The following GALNT13 variants were observed in gnomAD, a reference collection of about 807,000 sequenced individuals.
The protein encoded by GALNT13 is polypeptide N-acetylgalactosaminyltransferase 13, also known as UDP-GalNAc:polypeptide N-acetylgalactosaminyltransferase 13.
GALNT13 carries 28 observed loss-of-function variants against 64.2 expected under a neutral mutation model. The ratio of observed to expected loss-of-function variants is 0.44; its 90% CI spans 0.32 to 0.60. The LOEUF (loss-of-function observed/expected upper bound fraction) is 0.60, where lower values mean the gene tolerates loss of function less well. Ranked by LOEUF, GALNT13 falls within the 20% of genes least tolerant of loss-of-function variation. The pLI is 0.05. For missense variants in GALNT13, 577 were observed against 669.8 expected (o/e 0.86, Z 1.53); for synonymous variants, 214 against 224.6 (o/e 0.95, Z 0.42).
chr2:154,413,660 A>G (rs1699887319), intron 11 of GALNT13, among the ~76,000 whole-genome samples: 1 of 151,932 alleles, frequency 6.6e-6, no homozygotes. Context: ...TTCCTATCCT[A>G]GCAGTTCACT....
intron 3 of GALNT13, among the ~76,000 whole-genome samples, chr2:153,999,527 A>G (rs1347240316): frequency 2.0e-5 from 3 of 151,782 alleles, no homozygotes; most frequent in Non-Finnish European, 4.4e-5. Context: ...TTATGAGGGG[A>G]TGTTGAATTT....
At chr2:153,379,506 C>A in the GALNT13 span, among the ~76,000 whole-genome samples, 1 of 152,142 alleles carries the variant, frequency 6.6e-6, no homozygotes, top group African/African-American at 2.4e-5. Flanking sequence ...AGCAATCAGA[C>A]TTCTTTGTCT....
intron 3 of GALNT13, among the ~76,000 whole-genome samples, chr2:154,082,385 T>C (rs1230749484): frequency 6.6e-6 from 1 of 151,678 alleles, no homozygotes; most frequent in Non-Finnish European, 1.5e-5. Flanking sequence ...AAAATTAATT[T>C]GATTATTGAT....
At chr2:153,642,824 G>T in the GALNT13 span, among the ~76,000 whole-genome samples, 1 of 151,670 alleles carries the variant, frequency 6.6e-6, no homozygotes, top group African/African-American at 2.4e-5. Flanking sequence ...AGGTAATAAA[G>T]CAATTTCTGA....
At chr2:153,454,451 C>T in the GALNT13 span, among the ~76,000 whole-genome samples, 2 of 152,142 alleles carry the variant, frequency 1.3e-5, no homozygotes, top group Non-Finnish European at 2.9e-5. Flanking sequence ...GCAGTTGTAT[C>T]TAATTACTTA....
At chr2:154,332,172 TA>T (rs1186593359) in intron 9 of GALNT13, among the ~76,000 whole-genome samples, 8 of 151,988 alleles carry the variant, frequency 5.3e-5, no homozygotes, top group Admixed American at 5.3e-4. Context: ...CTCAAAAAAG[TA>T]AAAAGGAAAA....
In GALNT13 at chr2:154,287,229, A is replaced by C. The variant is rs1267992499; in HGVS notation, c.976-14180A>C. The C allele has an allele frequency of 2.6e-6, 3 of 1,150,258 alleles. No individual in the cohort carries two copies. In the Admixed American group the frequency reaches 5.1e-5, roughly 19 times the overall value. 71.3% of individuals were successfully genotyped at this position (1,150,258 alleles called of 1,614,324 possible). On this transcript the variant is annotated intron_variant, in intron 8 of 12. Coordinates refer to ENST00000392825, the MANE Select transcript of GALNT13 (RefSeq NM_052917.4). ...GTGGTGGAAAAGGCTGAGCATCAGA[A>C]GAAGGCAGCCATCATCTTTGCCGAC... is the stretch of plus-strand genomic sequence containing the variant.
intron 9 of GALNT13, among the ~76,000 whole-genome samples, chr2:154,341,178 GA>G (rs1237141780): frequency 6.6e-6 from 1 of 151,620 alleles, no homozygotes; most frequent in Non-Finnish European, 1.5e-5. Context: ...ATGTACAAAG[GA>G]AAAAAATAAA....
At chr2:153,874,059 T>C (rs893632950) in intron 1 of GALNT13, among the ~76,000 whole-genome samples, 17 of 151,836 alleles carry the variant, frequency 1.1e-4, no homozygotes, top group South Asian at 4.2e-4. Context: ...TTGCATTACA[T>C]TACTAATCTT....
chr2:153,568,615 AT>A, the GALNT13 span, among the ~76,000 whole-genome samples: 2 of 152,146 alleles, frequency 1.3e-5, no homozygotes, highest in Admixed American at 1.3e-4. Flanking sequence ...TATAGATGAC[AT>A]TTTTTCTACC....
intron 4 of GALNT13, among the ~76,000 whole-genome samples, chr2:154,163,145 A>C (rs1573784234): frequency 2.5e-5 from 2 of 81,218 alleles, no homozygotes; most frequent in African/African-American, 5.0e-5. Context: ...CCCCCACCCC[A>C]CAACAGGCCC....
At chr2:153,986,164 G>A (rs1694785750) in intron 3 of GALNT13, among the ~76,000 whole-genome samples, 1 of 151,946 alleles carries the variant, frequency 6.6e-6, no homozygotes, top group African/African-American at 2.4e-5. Flanking sequence ...TACTTTATAT[G>A]CTAAAGAGCT....
chr2:154,352,474 C>G (rs1322671886), intron 9 of GALNT13, among the ~76,000 whole-genome samples: 1 of 152,190 alleles, frequency 6.6e-6, no homozygotes, highest in Non-Finnish European at 1.5e-5. Context: ...GCTGTTCATG[C>G]ATTGTCACAT....
intron 3 of GALNT13, among the ~76,000 whole-genome samples, chr2:154,129,682 T>G: frequency 6.6e-6 from 1 of 152,126 alleles, no homozygotes. Context: ...ATATTTATCT[T>G]TATATTTTAC....
chr2:154,278,750 G>T (rs904077793), intron 8 of GALNT13, among the ~76,000 whole-genome samples: 5 of 152,082 alleles, frequency 3.3e-5, no homozygotes, highest in Non-Finnish European at 5.9e-5. Context: ...TCAGATGATG[G>T]ATTCAAGATA....
the GALNT13 span, among the ~76,000 whole-genome samples, chr2:153,610,155 G>C: frequency 2.6e-5 from 4 of 152,094 alleles, no homozygotes; most frequent in East Asian, 7.7e-4. Context: ...GGTGAATAAA[G>C]AAATTGGGTT....
At chr2:154,304,601 A>T (rs907602376) in intron 9 of GALNT13, among the ~76,000 whole-genome samples, 1 of 152,222 alleles carries the variant, frequency 6.6e-6, no homozygotes, top group African/African-American at 2.4e-5. Flanking sequence ...TGAAAAAGGC[A>T]GATAAATGAT....
the GALNT13 span, among the ~76,000 whole-genome samples, chr2:153,223,706 C>T: frequency 6.6e-6 from 1 of 152,096 alleles, no homozygotes; most frequent in Non-Finnish European, 1.5e-5. Context: ...CTCATGCCTG[C>T]CCAGCACTTT....
At chr2:153,598,870 GA>G in the GALNT13 span, among the ~76,000 whole-genome samples, 1 of 152,026 alleles carries the variant, frequency 6.6e-6, no homozygotes, top group Admixed American at 6.6e-5. Flanking sequence ...TGTGATATCT[GA>G]AAAATTCTTT....
Sources: gnomAD v4.1 joint callset for allele counts (sites outside exome capture counted in the v4.1 genomes callset) on GRCh38, gnomAD v4.1.1 for gene constraint, MANE v1.5 for transcripts, NCBI Gene and HGNC (gene_info 2026-07-23, HGNC 2026-07-21) for gene names.